RALGPS1: variants seen among roughly 807,000 people sequenced by gnomAD.
RALGPS1 encodes ras-specific guanine nucleotide-releasing factor RalGPS1.
Under a neutral mutation model 78.8 loss-of-function variants are expected in RALGPS1, and 19 were observed. That is an observed-to-expected ratio of 0.24 (90% CI 0.17 to 0.35). RALGPS1 has a LOEUF of 0.35. RALGPS1 is among the 10% of genes least tolerant of loss of function. RALGPS1 has a pLI of 1.00. For synonymous variants in RALGPS1, 228 were observed against 256.3 expected (o/e 0.89, Z 1.06); for missense variants, 454 against 688.3 (o/e 0.66, Z 3.81).
intron 4 of RALGPS1, among the ~76,000 whole-genome samples, chr9:126,980,255 C>T (rs1236827597): frequency 6.6e-6 from 1 of 152,256 alleles, no homozygotes; most frequent in Middle Eastern, 3.4e-3. Flanking sequence ...GAATAAAGTA[C>T]AATTTTAAGT....
At chr9:126,918,592 A>G (rs933937111) in intron 1 of RALGPS1, among the ~76,000 whole-genome samples, 1 of 151,932 alleles carries the variant, frequency 6.6e-6, no homozygotes, top group Non-Finnish European at 1.5e-5. Context: ...AAGTGCTGAG[A>G]TTACAGGCAT....
intron 1 of RALGPS1, among the ~76,000 whole-genome samples, chr9:126,937,264 A>G (rs1044651846): frequency 2.6e-5 from 4 of 152,192 alleles, no homozygotes; most frequent in African/African-American, 9.7e-5. Context: ...TGTAAGGGAA[A>G]ACATGATAAT....
chr9:127,174,904 C>T, intron 11 of RALGPS1, 122 bp downstream of exon 11: 3 of 811,748 alleles, frequency 3.7e-6, no homozygotes, highest in Non-Finnish European at 6.2e-6. Flanking sequence ...ACTCAGCTAT[C>T]CCTGTTCACA....
chr9:127,024,774 A>G (rs1171987421), intron 4 of RALGPS1, among the ~76,000 whole-genome samples: 1 of 152,008 alleles, frequency 6.6e-6, no homozygotes, highest in Admixed American at 6.6e-5. Flanking sequence ...TTGTTTTTAT[A>G]TTTCCCCAGA....
rs2041431360 is a variant in RALGPS1, at chr9:126,982,922, CTTCTTCTTTTTTTTTTTTTTT to C, written c.216+5180_216+5200del. On this transcript the variant is annotated intron_variant, in intron 4 of 18. Coordinates refer to ENST00000259351, the MANE Select transcript of RALGPS1 (RefSeq NM_014636.3). ...TTCTTTTCTTCTTCTTCTTCTTCTT[CTTCTTCTTTTTTTTTTTTTTT>C]TTTTTTTTTTGAGGTGGAGTTTCGC... 7.0e-5 allele frequency among the ~76,000 whole-genome samples: 5 copies of C among 71,206 alleles called. No individual in the cohort carries two copies. In the South Asian group the frequency reaches 3.8e-3, roughly 54 times the overall value. The allele number at this position is 71,206 out of a possible 152,430, so 46.7% of individuals were successfully genotyped here. A position where few individuals can be genotyped will look rare whatever the true frequency, so the allele number is the denominator to read the frequency against.
intron 4 of RALGPS1, among the ~76,000 whole-genome samples, chr9:127,015,642 G>C (rs2044745800): frequency 6.6e-6 from 1 of 152,100 alleles, no homozygotes; most frequent in Admixed American, 6.5e-5. Context: ...GATGGTCCTG[G>C]GTGTAAGATG....
chr9:127,215,730 G>A (rs1418150786), intron 18 of RALGPS1, among the ~76,000 whole-genome samples: 1 of 152,198 alleles, frequency 6.6e-6, no homozygotes, highest in African/African-American at 2.4e-5. Flanking sequence ...GAGAGAAATG[G>A]CTACCTGAGC....
At chr9:127,017,791 C>T (rs1337651561) in intron 4 of RALGPS1, among the ~76,000 whole-genome samples, 5 of 152,096 alleles carry the variant, frequency 3.3e-5, no homozygotes, top group African/African-American at 1.2e-4. Context: ...AACTAAGACG[C>T]AGACACACAC....
chr9:127,003,082 A>T (rs1385054065), intron 4 of RALGPS1, among the ~76,000 whole-genome samples: 2 of 152,164 alleles, frequency 1.3e-5, no homozygotes, highest in Non-Finnish European at 2.9e-5. Context: ...AAGTGTTCCT[A>T]TTTCTCCACA....
At chr9:127,050,683 CCTT>C (rs887185745) in intron 6 of RALGPS1, among the ~76,000 whole-genome samples, 21 of 152,194 alleles carry the variant, frequency 1.4e-4, no homozygotes, top group African/African-American at 2.4e-4. Flanking sequence ...TCACCTTTTC[CCTT>C]CTTTTCCCTT....
At chr9:127,191,995 C>G (rs2061088108) in intron 11 of RALGPS1, among the ~76,000 whole-genome samples, 1 of 152,214 alleles carries the variant, frequency 6.6e-6, no homozygotes, top group South Asian at 2.1e-4. Flanking sequence ...CGGCGCCCGG[C>G]CTCCACTGGG....
At chr9:127,119,608 T>C (rs2055831077) in intron 8 of RALGPS1, among the ~76,000 whole-genome samples, 1 of 152,184 alleles carries the variant, frequency 6.6e-6, no homozygotes, top group Non-Finnish European at 1.5e-5. Flanking sequence ...GTGGTGAGGA[T>C]GAAATGACAT....
chr9:127,057,137 T>G (rs1474539531), intron 7 of RALGPS1, among the ~76,000 whole-genome samples: 1 of 152,206 alleles, frequency 6.6e-6, no homozygotes, highest in Non-Finnish European at 1.5e-5. Context: ...ACAGTCCGTC[T>G]TCTTGGCGGG....
rs1312741281 is a variant in RALGPS1 at position 127,050,068 on chromosome 9, T to A, written c.326T>A (p.Ile109Asn). The A allele has an allele frequency of 3.1e-6, 5 of 1,613,836 alleles. No homozygotes were observed. In the African/African-American group the frequency reaches 6.7e-5, roughly 22 times the overall value. The change falls in exon 6 of 19, where the codon ATT becomes AAT. Residue 109 changes from isoleucine (I) to asparagine (N), a missense_variant. By Grantham distance (149) the Ile-to-Asn change is moderately radical. Transcript: ENST00000259351. ...NQVSFWVVRE[I>N]LTAQTLKIRA... ...GTCAGTTTTTGGGTTGTACGAGAAA[T>A]TCTAACAGCACAGACTTTAAAAATA...
intron 1 of RALGPS1, among the ~76,000 whole-genome samples, chr9:126,927,910 G>C (rs1291927713): frequency 6.6e-6 from 1 of 152,226 alleles, no homozygotes; most frequent in African/African-American, 2.4e-5. Flanking sequence ...TGTGACTTGG[G>C]GTTGGGGTGC....
intron 1 of RALGPS1, among the ~76,000 whole-genome samples, chr9:126,952,650 A>AGTGTGTGTGTGTGTGTGTGT (rs1486310137): frequency 1.4e-5 from 1 of 71,030 alleles, no homozygotes; most frequent in Non-Finnish European, 4.4e-5. Context: ...AGAGAGAGAG[A>AGTGTGTGTGTGTGTGTGTGT]GAGAGAGTGT....
At chr9:127,085,010 T>A (rs2051559865) in intron 8 of RALGPS1, among the ~76,000 whole-genome samples, 1 of 152,014 alleles carries the variant, frequency 6.6e-6, no homozygotes, top group Non-Finnish European at 1.5e-5. Context: ...CTCCTAAGAG[T>A]GTCTGTGAAC....
intron 4 of RALGPS1, among the ~76,000 whole-genome samples, chr9:127,026,883 G>A (rs2046005412): frequency 6.6e-6 from 1 of 152,238 alleles, no homozygotes; most frequent in South Asian, 2.1e-4. Flanking sequence ...CCTTTATTCT[G>A]TGGGTTCCAG....
At chr9:126,934,736 T>C (rs2131257896) in intron 1 of RALGPS1, among the ~76,000 whole-genome samples, 1 of 152,256 alleles carries the variant, frequency 6.6e-6, no homozygotes, top group Non-Finnish European at 1.5e-5. Flanking sequence ...GCTGTCACCC[T>C]TGTGTTCCCA....
Sources: gnomAD v4.1 joint callset for allele counts (sites outside exome capture counted in the v4.1 genomes callset) on GRCh38, gnomAD v4.1.1 for gene constraint, MANE v1.5 for transcripts, NCBI Gene and HGNC (gene_info 2026-07-23, HGNC 2026-07-21) for gene names.